DDX60: variants seen among roughly 807,000 people sequenced by gnomAD.
DDX60 encodes probable ATP-dependent RNA helicase DDX60.
In DDX60, 165 loss-of-function variants were observed where a neutral mutation model predicts 212.8. That is an observed-to-expected ratio of 0.78 (90% CI 0.68 to 0.88). The LOEUF is 0.88. DDX60 is among the 40% of genes least tolerant of loss of function. The pLI is 0.00. For synonymous variants in DDX60, 703 were observed against 685.3 expected (o/e 1.03, Z -0.40); for missense variants, 1,905 against 2,003.9 (o/e 0.95, Z 0.94).
At position 168,276,166 on chromosome 4, in the gene DDX60, T is replaced by C; in HGVS notation, c.1994A>G (p.Asp665Gly). Residue 665 changes from aspartate (D) to glycine (G), a missense_variant, in exon 15 of 38, where the codon GAT (aspartate) becomes GGT (glycine). Asp to Gly is a moderately conservative substitution (Grantham distance 94). Transcript: ENST00000393743. ...CRSEEGKTTKDLSIAVQVMKR... is the reference protein window; with the variant it reads ...CRSEEGKTTKGLSIAVQVMKR... ...CATCACCTGAACAGCTATACTTAAA[T>C]CTTTCGTGGTTTTACCTTGATAAAC... is the stretch of plus-strand genomic sequence containing the variant. The C allele has an allele frequency of 6.2e-7, 1 of 1,606,376 alleles. No individual in the cohort carries two copies. Among genetic ancestry groups the C allele is most frequent in the Middle Eastern group, 1.7e-4 (1 of 6,028 alleles).
intron 7 of DDX60, among the ~76,000 whole-genome samples, chr4:168,292,605 T>G (rs1298429677): frequency 6.6e-6 from 1 of 152,216 alleles, no homozygotes; most frequent in East Asian, 1.9e-4. Flanking sequence ...CAAGGCATCA[T>G]ATTTTTAAAT....
chr4:168,284,162 A>G (rs1354807825), intron 12 of DDX60, among the ~76,000 whole-genome samples: 1 of 152,204 alleles, frequency 6.6e-6, no homozygotes, highest in Non-Finnish European at 1.5e-5. Flanking sequence ...GTAACTACAC[A>G]TATCACACCA....
rs200471676 is a variant in DDX60, at chr4:168,259,184, A to G, written c.3398+1681T>C. Among the ~76,000 whole-genome samples the G allele has an allele frequency of 1.9e-4, 29 of 152,328 alleles. No individual in the cohort carries two copies. In the South Asian group the frequency reaches 4.8e-3, roughly 25 times the overall value. On this transcript the variant is annotated intron_variant, in intron 25 of 37. Coordinates refer to ENST00000393743, the MANE Select transcript of DDX60 (RefSeq NM_017631.6). ...TTATATCAGTCTAATTCTGAGGCCC[A>G]GGTAAAAAAGCCTAAGGTGGTAGAA... is the stretch of plus-strand genomic sequence containing the variant.
At chr4:168,228,929 T>C (rs1733351665) in intron 33 of DDX60, among the ~76,000 whole-genome samples, 1 of 152,128 alleles carries the variant, frequency 6.6e-6, no homozygotes, top group Non-Finnish European at 1.5e-5. Context: ...AATTCAGGGA[T>C]AGGAGTTATT....
intron 33 of DDX60, among the ~76,000 whole-genome samples, chr4:168,234,268 C>T (rs1218994306): frequency 1.8e-4 from 28 of 151,970 alleles, no homozygotes; most frequent in Admixed American, 1.8e-3. Flanking sequence ...GGAAAATTCC[C>T]AGCTATTATC....
At position 168,262,670 on chromosome 4, in the gene DDX60, C is replaced by A. The variant is rs761331328; in HGVS notation, c.3144+13G>T. 4 of 1,528,326 alleles carry A rather than the reference C, an allele frequency of 2.6e-6. No homozygotes were observed. The East Asian group carries it at 6.8e-5, about 26-fold the overall frequency. 94.7% of individuals were successfully genotyped at this position (1,528,326 alleles called of 1,614,324 possible). On this transcript the variant is annotated intron_variant, in intron 23 of 37. Transcript: ENST00000393743. Reference sequence around the variant, plus strand: ...TCCTCTATAATAGGATTAATTACATCATTATTATTTACCTGGGCCCGAGGC... The same window carrying A: ...TCCTCTATAATAGGATTAATTACATAATTATTATTTACCTGGGCCCGAGGC...
At chr4:168,230,485 G>A (rs1733410324) in intron 33 of DDX60, among the ~76,000 whole-genome samples, 1 of 151,132 alleles carries the variant, frequency 6.6e-6, no homozygotes, top group South Asian at 2.1e-4. Context: ...GCCTCAATAA[G>A]TGATCTCAGA....
chr4:168,301,657 G>A (rs72693170), intron 6 of DDX60, among the ~76,000 whole-genome samples: 11,130 of 152,158 alleles, frequency 0.073, 487 homozygotes, highest in Non-Finnish European at 0.11. Flanking sequence ...TGAAATAAAA[G>A]TCACCATTAG....
At position 168,311,010 on chromosome 4, in the gene DDX60, AT is replaced by A; in HGVS notation, c.61del (p.Met21CysfsTer20). 1 of 1,567,476 alleles carries A rather than the reference AT, an allele frequency of 6.4e-7. No individual in the cohort carries two copies. The highest frequency in any genetic ancestry group is 8.8e-7 in the Non-Finnish European group (1 of 1,140,894). ...TAATAATACTCACTCAGCTTTTGGC[AT>A]TTCATTCAAAATTAACTGGGACATT... ...QEMSQLILNE[M>X]PKAEYSSLFN... is the part of the protein sequence containing the mutation. On this transcript the variant is annotated frameshift_variant, in exon 3 of 38. Transcript: ENST00000393743. LOFTEE classifies it high-confidence loss of function.
In DDX60 at chr4:168,287,182, T is replaced by C; in HGVS notation, c.1205A>G (p.Asp402Gly). ...ATATTCATAATCTTTCATAATGGTA[T>C]CTCCCAAATTCAAATGTAGGCCTAC... is the stretch of plus-strand genomic sequence containing the variant. ...NVKGLHLNLG[D>G]TIMKDYEYLW... is the part of the protein sequence containing the mutation. The change falls in exon 10 of 38, where the codon GAT becomes GGT. Residue 402 changes from aspartate (D) to glycine (G), a missense_variant. Asp to Gly is a moderately conservative substitution (Grantham distance 94). Transcript: ENST00000393743. 6.2e-7 allele frequency: 1 copy of C among 1,608,354 alleles called. No homozygotes were observed. The highest frequency in any genetic ancestry group is 8.5e-7 in the Non-Finnish European group (1 of 1,177,950).
At chr4:168,265,917 T>C (rs1734830241) in intron 22 of DDX60, among the ~76,000 whole-genome samples, 1 of 151,678 alleles carries the variant, frequency 6.6e-6, no homozygotes, top group East Asian at 1.9e-4. Context: ...AATGAGAGAA[T>C]AAAGTGCCTT....
intron 8 of DDX60, among the ~76,000 whole-genome samples, chr4:168,289,363 C>A (rs920491317): frequency 6.6e-6 from 1 of 152,144 alleles, no homozygotes; most frequent in African/African-American, 2.4e-5. Flanking sequence ...ACAACCCATT[C>A]TCCTTGATTT....
At chr4:168,293,720 T>TA (rs1736213175) in intron 7 of DDX60, 67 bp downstream of exon 7, 4 of 1,354,344 alleles carry the variant, frequency 3.0e-6, no homozygotes, top group Non-Finnish European at 4.0e-6. Context: ...AAATGAAAGA[T>TA]ACAAATCAAC....
intron 33 of DDX60, among the ~76,000 whole-genome samples, chr4:168,234,792 T>G (rs1250553568): frequency 1.3e-5 from 2 of 152,112 alleles, no homozygotes; most frequent in East Asian, 3.9e-4. Flanking sequence ...GATGTTATCT[T>G]TCACAAGAGC....
At chr4:168,293,653 G>T in intron 7 of DDX60, 134 bp downstream of exon 7, 1 of 811,348 alleles carries the variant, frequency 1.2e-6, no homozygotes, top group Non-Finnish European at 1.9e-6. Context: ...ACAAATTTCA[G>T]TTTTATTTTC....
At chr4:168,323,114 T>C (rs554069788), upstream of DDX60, among the ~76,000 whole-genome samples, 41 of 152,304 alleles carry the variant, frequency 2.7e-4, no homozygotes, top group South Asian at 7.7e-3. Flanking sequence ...AACTTTCACA[T>C]GGAGCAAGCA....
chr4:168,227,672 GTATT>G (rs1395726153), intron 33 of DDX60, among the ~76,000 whole-genome samples: 2 of 149,694 alleles, frequency 1.3e-5, no homozygotes, highest in Admixed American at 6.6e-5. Flanking sequence ...TTTTCAGCCT[GTATT>G]TTTTTCTAAT....
Position 168,272,113 on chromosome 4 carries a change from A to C in DDX60, c.2600T>G (p.Phe867Cys). 1 of 1,583,330 alleles carries C rather than the reference A, an allele frequency of 6.3e-7. No homozygotes were observed. Among genetic ancestry groups the C allele is most frequent in the Non-Finnish European group, 8.6e-7 (1 of 1,161,768 alleles). Reference sequence around the variant, plus strand: ...ATGAGGAGCAAGCAGCAGAATTTCAAAGCAGGCAGGCACTGTAATAAGTAC... The same window carrying C: ...ATGAGGAGCAAGCAGCAGAATTTCACAGCAGGCAGGCACTGTAATAAGTAC... ...CQVLITVPAC[F>C]EILLLAPHRQ... is the part of the protein sequence containing the mutation. Residue 867 changes from phenylalanine (F) to cysteine (C), a missense_variant, in exon 19 of 38, where the codon TTT (phenylalanine) becomes TGT (cysteine). Transcript: ENST00000393743.
intron 33 of DDX60, among the ~76,000 whole-genome samples, chr4:168,230,149 C>G (rs1173777426): frequency 6.6e-6 from 1 of 152,066 alleles, no homozygotes; most frequent in African/African-American, 2.4e-5. Context: ...GATAAAAGGA[C>G]TACTCCAACA....
Sources: gnomAD v4.1 joint callset for allele counts (sites outside exome capture counted in the v4.1 genomes callset) on GRCh38, gnomAD v4.1.1 for gene constraint, MANE v1.5 for transcripts, NCBI Gene and HGNC (gene_info 2026-07-23, HGNC 2026-07-21) for gene names.